Variants in MARCHF1 observed in about 807,000 individuals in gnomAD.
MARCHF1 encodes E3 ubiquitin-protein ligase MARCHF1.
MARCHF1 carries 40 observed loss-of-function variants against 54.2 expected under a neutral mutation model. The observed-to-expected ratio is 0.74, with a 90% confidence interval of 0.57 to 0.96. MARCHF1 has a LOEUF of 0.96. MARCHF1 is among the 40% of genes least tolerant of loss of function. The probability of loss-of-function intolerance (pLI) is 0.00; values close to 1 mark genes in which losing one functional copy is unlikely to be tolerated. For synonymous variants in MARCHF1, 236 were observed against 236.3 expected (o/e 1.00, Z 0.01); for missense variants, 586 against 656.5 (o/e 0.89, Z 1.17).
chr4:163,787,852 A>G (rs1440202670), intron 4 of MARCHF1, among the ~76,000 whole-genome samples: 2 of 152,044 alleles, frequency 1.3e-5, no homozygotes, highest in East Asian at 3.8e-4. Flanking sequence ...TGAATGGATA[A>G]CAAAAACATG....
chr4:163,830,746 T>C (rs887551604), intron 4 of MARCHF1, among the ~76,000 whole-genome samples: 14 of 151,488 alleles, frequency 9.2e-5, no homozygotes, highest in African/African-American at 3.4e-4. Flanking sequence ...CACCCCAGTC[T>C]CTAAAAAAAG....
intron 3 of MARCHF1, among the ~76,000 whole-genome samples, chr4:163,894,441 A>G (rs956775068): frequency 8.6e-5 from 13 of 151,788 alleles, no homozygotes; most frequent in Admixed American, 5.3e-4. Flanking sequence ...GAGTGAATGA[A>G]AGATTAATAA....
intron 5 of MARCHF1, among the ~76,000 whole-genome samples, chr4:163,617,576 A>G (rs914720077): frequency 2.8e-4 from 43 of 152,142 alleles, no homozygotes; most frequent in Non-Finnish European, 5.4e-4. Flanking sequence ...TCAACTTCTT[A>G]TTTTCATCTT....
At chr4:164,005,178 TTA>T (rs1459118319) in intron 2 of MARCHF1, among the ~76,000 whole-genome samples, 1 of 152,060 alleles carries the variant, frequency 6.6e-6, no homozygotes, top group Non-Finnish European at 1.5e-5. Context: ...ATGATCAATT[TTA>T]TGTCATTAAA....
At chr4:164,229,457 TGA>T (rs1732352672) in intron 1 of MARCHF1, among the ~76,000 whole-genome samples, 1 of 152,084 alleles carries the variant, frequency 6.6e-6, no homozygotes, top group African/African-American at 2.4e-5. Context: ...CCAATAGTCA[TGA>T]GAGTGGTGTT....
At chr4:163,666,009 AC>A (rs1370620707) in intron 5 of MARCHF1, among the ~76,000 whole-genome samples, 1 of 152,126 alleles carries the variant, frequency 6.6e-6, no homozygotes, top group African/African-American at 2.4e-5. Flanking sequence ...AGACGTGCTC[AC>A]TAAAATTCTC....
intron 2 of MARCHF1, among the ~76,000 whole-genome samples, chr4:164,066,938 T>C (rs1013850687): frequency 1.3e-5 from 2 of 151,948 alleles, no homozygotes; most frequent in Admixed American, 6.6e-5. Context: ...AATATCAGGG[T>C]GATAAAATAA....
At chr4:164,066,729 G>T (rs2111080658) in intron 2 of MARCHF1, among the ~76,000 whole-genome samples, 1 of 152,262 alleles carries the variant, frequency 6.6e-6, no homozygotes, top group Non-Finnish European at 1.5e-5. Context: ...GGACATGGAT[G>T]GAGCTAGAGG....
At chr4:163,957,824 T>C (rs1170313716) in intron 3 of MARCHF1, among the ~76,000 whole-genome samples, 1 of 152,022 alleles carries the variant, frequency 6.6e-6, no homozygotes, top group East Asian at 1.9e-4. Flanking sequence ...CATCCACAAT[T>C]ACCATCCAGA....
At chr4:163,763,714 G>A (rs1159881558) in intron 4 of MARCHF1, among the ~76,000 whole-genome samples, 1 of 152,012 alleles carries the variant, frequency 6.6e-6, no homozygotes, top group African/African-American at 2.4e-5. Context: ...GTACCGTATA[G>A]CAATGAAGGC....
chr4:164,319,650 C>T (rs889136951), intron 1 of MARCHF1, among the ~76,000 whole-genome samples: 7 of 152,072 alleles, frequency 4.6e-5, no homozygotes, highest in African/African-American at 1.7e-4. Flanking sequence ...GAAAGAATTA[C>T]TTTTCCTCTT....
At position 163,590,033 on chromosome 4, in the gene MARCHF1, G is replaced by T. The variant is rs1322571086; in HGVS notation, c.1011-4104C>A. On this transcript the variant is annotated intron_variant, in intron 7 of 9. Coordinates refer to ENST00000514618, the MANE Select transcript of MARCHF1 (RefSeq NM_001394959.1). ...TGAATAGCAGACCACATAACGCTATGCAGCAAATTAAATTTTAGATTTTGG... is the reference window on the plus strand; with the variant it reads ...TGAATAGCAGACCACATAACGCTATTCAGCAAATTAAATTTTAGATTTTGG... Among the ~76,000 whole-genome samples, 4 of 146,910 alleles carry T rather than the reference G, an allele frequency of 2.7e-5. No homozygotes were observed. The South Asian group carries it at 8.5e-4, about 31-fold the overall frequency.
At chr4:164,050,053 T>C (rs2111040469) in intron 2 of MARCHF1, among the ~76,000 whole-genome samples, 1 of 151,990 alleles carries the variant, frequency 6.6e-6, no homozygotes, top group Non-Finnish European at 1.5e-5. Flanking sequence ...GGTGGGTGAA[T>C]CACTTGAGGT....
intron 5 of MARCHF1, among the ~76,000 whole-genome samples, chr4:163,656,589 A>C (rs575681807): frequency 2.0e-5 from 3 of 152,208 alleles, no homozygotes; most frequent in Admixed American, 6.5e-5. Context: ...AAAACCTGGC[A>C]GAGACACAAC....
At chr4:163,809,800 A>G (rs1459816966) in intron 4 of MARCHF1, among the ~76,000 whole-genome samples, 2 of 151,282 alleles carry the variant, frequency 1.3e-5, no homozygotes, top group Admixed American at 6.6e-5. Context: ...ATTTTTAAAC[A>G]AAAACAAAAT....
intron 1 of MARCHF1, among the ~76,000 whole-genome samples, chr4:164,172,868 C>T (rs1460928408): frequency 1.3e-5 from 2 of 151,540 alleles, no homozygotes; most frequent in Non-Finnish European, 2.9e-5. Context: ...GTAGTCCCAG[C>T]TACTCAGGAG....
chr4:163,758,601 C>A (rs1746744293), intron 4 of MARCHF1, among the ~76,000 whole-genome samples: 1 of 152,172 alleles, frequency 6.6e-6, no homozygotes, highest in African/African-American at 2.4e-5. Context: ...CCCTGAAGGA[C>A]AGAAGCCTAA....
chr4:163,789,721 A>C (rs892281207), intron 4 of MARCHF1, among the ~76,000 whole-genome samples: 1 of 152,046 alleles, frequency 6.6e-6, no homozygotes, highest in Admixed American at 6.6e-5. Flanking sequence ...TGAAGTAAAC[A>C]TCACTCACCA....
At chr4:164,288,542 A>G (rs1279092483) in intron 1 of MARCHF1, among the ~76,000 whole-genome samples, 3 of 152,082 alleles carry the variant, frequency 2.0e-5, no homozygotes, top group Non-Finnish European at 4.4e-5. Flanking sequence ...ATTTCTATTA[A>G]TAGGTATGAA....
Sources: allele counts gnomAD v4.1 joint callset (sites outside exome capture counted in the v4.1 genomes callset), GRCh38; gene constraint gnomAD v4.1.1; transcripts MANE v1.5; gene names NCBI Gene and HGNC (gene_info 2026-07-23, HGNC 2026-07-21).